The following SIPA1L1 variants were observed in gnomAD, a reference collection of about 807,000 sequenced individuals.
SIPA1L1 encodes the protein signal induced proliferation associated 1 like 1.
SIPA1L1 carries 26 observed loss-of-function variants against 162.7 expected under a neutral mutation model. The ratio of observed to expected loss-of-function variants is 0.16; its 90% confidence interval spans 0.12 to 0.22. SIPA1L1 has a LOEUF of 0.22. Ranked by LOEUF, SIPA1L1 falls within the 10% of genes least tolerant of loss-of-function variation. The pLI, the probability that SIPA1L1 is intolerant of heterozygous loss-of-function variation, is 1.00. For synonymous variants in SIPA1L1, 829 were observed against 837.4 expected (o/e 0.99, Z 0.17); for missense variants, 1,874 against 2,241.0 (o/e 0.84, Z 3.31).
intron 2 of SIPA1L1, among the ~76,000 whole-genome samples, chr14:71,478,551 G>C (rs969268986): frequency 5.3e-5 from 8 of 152,124 alleles, no homozygotes; most frequent in African/African-American, 1.9e-4. Context: ...TTTTAGGTCA[G>C]GTTTCCTTTT....
intron 2 of SIPA1L1, among the ~76,000 whole-genome samples, chr14:71,326,549 A>G (rs368364135): frequency 6.6e-6 from 1 of 151,950 alleles, no homozygotes; most frequent in South Asian, 2.1e-4. Context: ...CTGCTCAGAA[A>G]GAAGCTATTG....
chr14:71,691,876 C>T (rs1053744376), intron 13 of SIPA1L1, among the ~76,000 whole-genome samples: 1 of 152,218 alleles, frequency 6.6e-6, no homozygotes, highest in Admixed American at 6.5e-5. Flanking sequence ...CACCACATGG[C>T]TTCTTCACTC....
chr14:71,381,012 A>T (rs1184047071), intron 2 of SIPA1L1, among the ~76,000 whole-genome samples: 1 of 152,224 alleles, frequency 6.6e-6, no homozygotes, highest in Non-Finnish European at 1.5e-5. Context: ...CCATAGTGCA[A>T]TTGGCATTTG....
At chr14:71,345,467 T>C (rs2036061736) in intron 2 of SIPA1L1, among the ~76,000 whole-genome samples, 1 of 152,098 alleles carries the variant, frequency 6.6e-6, no homozygotes, top group South Asian at 2.1e-4. Flanking sequence ...AGAGGGAAGC[T>C]GGGGGAGCTT....
intron 2 of SIPA1L1, among the ~76,000 whole-genome samples, chr14:71,384,892 A>G (rs1343875754): frequency 6.6e-6 from 1 of 152,144 alleles, no homozygotes; most frequent in Admixed American, 6.5e-5. Context: ...TGTGTTGTTT[A>G]ATTCAGCTTT....
intron 8 of SIPA1L1, among the ~76,000 whole-genome samples, chr14:71,655,304 T>A (rs1410117662): frequency 6.6e-6 from 1 of 152,174 alleles, no homozygotes; most frequent in Admixed American, 6.6e-5. Flanking sequence ...GATGATGATG[T>A]TCTTTTTTAT....
intron 2 of SIPA1L1, among the ~76,000 whole-genome samples, chr14:71,432,765 G>C (rs1272659284): frequency 1.3e-5 from 2 of 152,190 alleles, no homozygotes; most frequent in Admixed American, 1.3e-4. Flanking sequence ...ATGAATGTTT[G>C]ATTGTACAAC....
chr14:71,373,723 T>C (rs2039114080), intron 2 of SIPA1L1, among the ~76,000 whole-genome samples: 1 of 152,134 alleles, frequency 6.6e-6, no homozygotes, highest in African/African-American at 2.4e-5. Flanking sequence ...TTATATTTTT[T>C]CTCCTCTCTT....
intron 7 of SIPA1L1, among the ~76,000 whole-genome samples, chr14:71,642,374 C>A (rs930277239): frequency 7.2e-5 from 11 of 152,118 alleles, no homozygotes; most frequent in African/African-American, 2.4e-4. Context: ...GAGGAGAGAG[C>A]CGTAAACAGT....
chr14:71,658,247 TCTC>T, intron 8 of SIPA1L1, 83 bp from the exon 9 acceptor site: 1 of 731,598 alleles, frequency 1.4e-6, no homozygotes, highest in Non-Finnish European at 2.3e-6. Flanking sequence ...TTTCTTTTCT[TCTC>T]TTTTCTTTTT....
At chr14:71,379,809 TTG>T (rs1476651736) in intron 2 of SIPA1L1, among the ~76,000 whole-genome samples, 1 of 152,282 alleles carries the variant, frequency 6.6e-6, no homozygotes, top group Admixed American at 6.5e-5. Flanking sequence ...TTTACTTTCT[TTG>T]TGCTTCGTTT....
At chr14:71,531,213 C>T (rs1219670492) in intron 4 of SIPA1L1, among the ~76,000 whole-genome samples, 3 of 151,890 alleles carry the variant, frequency 2.0e-5, no homozygotes, top group African/African-American at 7.3e-5. Flanking sequence ...ATTTAAATAG[C>T]TCTATTCATT....
intron 4 of SIPA1L1, chr14:71,586,382 T>C (rs543149265): frequency 6.6e-6 from 1 of 152,348 alleles, no homozygotes; most frequent in South Asian, 2.1e-4. Context: ...TGGAAGTAGG[T>C]GCTTGTTACC....
intron 2 of SIPA1L1, among the ~76,000 whole-genome samples, chr14:71,440,751 G>A (rs186619439): frequency 2.0e-5 from 3 of 152,032 alleles, no homozygotes; most frequent in Admixed American, 2.0e-4. Context: ...CCCTGGAGTG[G>A]TGTATATGGG....
chr14:71,368,160 C>CTT (rs957469281), intron 2 of SIPA1L1, among the ~76,000 whole-genome samples: 8 of 100,874 alleles, frequency 7.9e-5, no homozygotes, highest in African/African-American at 2.6e-4. Context: ...TTTTTTCTTT[C>CTT]TTTTTTTTTT....
chr14:71,349,924 C>G lies in SIPA1L1; in HGVS notation c.-465+28743C>G, dbSNP rs78788051. ...CTGGTTAAGGAGTGCTCTTGTGACA[C>G]TGGGGAGGATGTGGAGAATAGGACA... is the stretch of plus-strand genomic sequence containing the variant. On this transcript the variant is annotated intron_variant, in intron 2 of 23. Coordinates refer to ENST00000381232, the MANE Select transcript of SIPA1L1 (RefSeq NM_001386936.1). 7.0e-3 allele frequency among the ~76,000 whole-genome samples: 1,072 copies of G among 152,206 alleles called. 6 individuals are homozygous for G. Among genetic ancestry groups the G allele is most frequent in the Non-Finnish European group, 0.012 (814 of 68,014 alleles).
chr14:71,508,850 T>G (rs1248749964), intron 2 of SIPA1L1, among the ~76,000 whole-genome samples: 1 of 152,196 alleles, frequency 6.6e-6, no homozygotes, highest in Non-Finnish European at 1.5e-5. Flanking sequence ...TTATTTGTAG[T>G]AAGTGGTAGA....
rs144296607 is a variant in SIPA1L1, at chr14:71,700,157, A to G, written c.3521+1030A>G. On this transcript the variant is annotated intron_variant, in intron 14 of 23. Coordinates refer to ENST00000381232, the MANE Select transcript of SIPA1L1 (RefSeq NM_001386936.1). ...CAGAGTTTAAGGATAGTTTTACCTT[A>G]TTGTTTATTTAAAACCAGAGGGCCA... Among the ~76,000 whole-genome samples, 529 of 152,292 alleles carry G rather than the reference A, an allele frequency of 3.5e-3. 3 individuals carry two copies. Among genetic ancestry groups the G allele is most frequent in the Admixed American group, 6.6e-3 (101 of 15,306 alleles).
intron 2 of SIPA1L1, among the ~76,000 whole-genome samples, chr14:71,407,340 G>A (rs966266018): frequency 2.0e-5 from 3 of 152,144 alleles, no homozygotes; most frequent in Admixed American, 1.3e-4. Flanking sequence ...TTGATATACT[G>A]TAGACAGTTT....
Sources: gnomAD v4.1 joint callset for allele counts (sites outside exome capture counted in the v4.1 genomes callset) on GRCh38, gnomAD v4.1.1 for gene constraint, MANE v1.5 for transcripts, NCBI Gene and HGNC (gene_info 2026-07-23, HGNC 2026-07-21) for gene names.